The following PAK1 variants were observed in gnomAD, a reference collection of about 807,000 sequenced individuals.
PAK1 encodes serine/threonine-protein kinase PAK 1.
Under a neutral mutation model 67.4 loss-of-function variants are expected in PAK1, and 29 were observed. The ratio of observed to expected loss-of-function variants is 0.43; its 90% CI spans 0.32 to 0.59. The LOEUF is 0.59. Ranked by LOEUF, PAK1 falls within the 20% of genes least tolerant of loss-of-function variation. PAK1 has a pLI of 0.07. For missense variants in PAK1, 337 were observed against 670.7 expected (o/e 0.50, Z 5.50); for synonymous variants, 223 against 237.4 (o/e 0.94, Z 0.56).
the PAK1 span, among the ~76,000 whole-genome samples, chr11:77,518,253 CT>C: frequency 6.6e-6 from 1 of 152,064 alleles, no homozygotes; most frequent in South Asian, 2.1e-4. Context: ...AATTTGAATA[CT>C]TTTTATGAAG....
intron 13 of PAK1, among the ~76,000 whole-genome samples, chr11:77,334,166 C>T (rs996151328): frequency 6.7e-6 from 1 of 148,162 alleles, no homozygotes; most frequent in Non-Finnish European, 1.5e-5. Flanking sequence ...GAGACTCCAT[C>T]TCAAAAAAAA....
intron 1 of PAK1, among the ~76,000 whole-genome samples, chr11:77,400,961 G>A (rs1218778906): frequency 6.6e-6 from 1 of 152,166 alleles, no homozygotes; most frequent in Non-Finnish European, 1.5e-5. Flanking sequence ...AGCAGAGGCA[G>A]GAACCTGAAA....
the PAK1 span, among the ~76,000 whole-genome samples, chr11:77,491,437 G>A: frequency 1.3e-5 from 2 of 152,130 alleles, no homozygotes; most frequent in Non-Finnish European, 2.9e-5. Context: ...GCTGAGGTAG[G>A]AGGATTGCTT....
chr11:77,363,321 A>T (rs912846679), intron 5 of PAK1, among the ~76,000 whole-genome samples: 10 of 152,188 alleles, frequency 6.6e-5, no homozygotes, highest in African/African-American at 2.4e-4. Context: ...GGGTGTGCTC[A>T]CTAAGCATTC....
At chr11:77,461,361 C>A (rs1350991848) in intron 1 of PAK1, among the ~76,000 whole-genome samples, 1 of 152,190 alleles carries the variant, frequency 6.6e-6, no homozygotes, top group Admixed American at 6.5e-5. Context: ...TTAACATCTA[C>A]AATCAGCTGA....
chr11:77,338,298 G>A (rs1943057111), intron 11 of PAK1, among the ~76,000 whole-genome samples: 1 of 152,044 alleles, frequency 6.6e-6, no homozygotes, highest in South Asian at 2.1e-4. Context: ...AAGTGAACAG[G>A]AAAATACTAT....
chr11:77,406,175 A>G (rs1305863811), intron 1 of PAK1, among the ~76,000 whole-genome samples: 1 of 152,100 alleles, frequency 6.6e-6, no homozygotes, highest in Admixed American at 6.6e-5. Context: ...CTCCATTCTC[A>G]TGGCTTTACA....
chr11:77,504,537 A>C, the PAK1 span, among the ~76,000 whole-genome samples: 1 of 152,176 alleles, frequency 6.6e-6, no homozygotes, highest in Non-Finnish European at 1.5e-5. Flanking sequence ...GACGAGTGGG[A>C]GTTTCTCAAA....
At chr11:77,353,451 A>C in intron 8 of PAK1, 85 bp downstream of exon 8, 1 of 886,266 alleles carries the variant, frequency 1.1e-6, no homozygotes, top group Non-Finnish European at 1.9e-6. Flanking sequence ...AAGGTTTATG[A>C]GAGGCAAAAA....
At chr11:77,410,272 C>A (rs144908980) in intron 1 of PAK1, among the ~76,000 whole-genome samples, 1 of 152,178 alleles carries the variant, frequency 6.6e-6, no homozygotes, top group Admixed American at 6.5e-5. Context: ...TCAGGCCCCC[C>A]ACTTCCCATC....
intron 2 of PAK1, among the ~76,000 whole-genome samples, chr11:77,384,364 G>A (rs931803287): frequency 6.6e-6 from 1 of 152,074 alleles, no homozygotes; most frequent in African/African-American, 2.4e-5. Context: ...AGTATCCCTG[G>A]GACTACTGCT....
chr11:77,479,990 G>A, the PAK1 span, among the ~76,000 whole-genome samples: 1 of 152,132 alleles, frequency 6.6e-6, no homozygotes, highest in Admixed American at 6.5e-5. Context: ...TTTCTATCAG[G>A]AGAAAGAGAA....
At chr11:77,479,084 CAAAAAAA>C (rs757138155), upstream of PAK1, among the ~76,000 whole-genome samples, 1 of 88,734 alleles carries the variant, frequency 1.1e-5, no homozygotes, top group Non-Finnish European at 2.4e-5. Context: ...GACTCCGTCT[CAAAAAAA>C]AAAAAAAAAA....
chr11:77,471,272 GC>G (rs1242463946), intron 1 of PAK1, among the ~76,000 whole-genome samples: 1 of 152,168 alleles, frequency 6.6e-6, no homozygotes, highest in Non-Finnish European at 1.5e-5. Context: ...CTGGCAGGGT[GC>G]TGGTTTTTAT....
chr11:77,493,549 T>G, the PAK1 span, among the ~76,000 whole-genome samples: 1 of 138,100 alleles, frequency 7.2e-6, no homozygotes. Flanking sequence ...TACCTCTGCC[T>G]CCCAAACTGT....
rs1267368199 is a variant in PAK1 at position 77,322,720 on chromosome 11, A to T, written c.*554T>A. On this transcript the variant is annotated 3_prime_UTR_variant, in exon 15 of 15. Transcript: ENST00000356341. ...CAAAGAAAAATGTGGTTGTTCTCCC[A>T]TGTCAGGATCAGCTGAGCCAAAGTC... 1.8e-5 allele frequency: 5 copies of T among 276,724 alleles called. No individual in the cohort carries two copies. Among genetic ancestry groups the T allele is most frequent in the Non-Finnish European group, 3.5e-5 (5 of 144,056 alleles). The allele number at this position is 276,724 out of a possible 1,614,324, so 17.1% of individuals were successfully genotyped here. A position where few individuals can be genotyped will look rare whatever the true frequency, so the allele number is the denominator to read the frequency against.
chr11:77,507,567 G>A, the PAK1 span, among the ~76,000 whole-genome samples: 2 of 151,818 alleles, frequency 1.3e-5, no homozygotes, highest in South Asian at 4.2e-4. Context: ...TGTCTCCTAG[G>A]CTGGAGTTAC....
At chr11:77,369,834 A>G (rs1948175324) in intron 5 of PAK1, among the ~76,000 whole-genome samples, 1 of 152,162 alleles carries the variant, frequency 6.6e-6, no homozygotes, top group Non-Finnish European at 1.5e-5. Flanking sequence ...TAGATGAAAC[A>G]TCTACAGATC....
At chr11:77,442,632 C>A (rs1429883670) in intron 1 of PAK1, among the ~76,000 whole-genome samples, 1 of 152,148 alleles carries the variant, frequency 6.6e-6, no homozygotes, top group Admixed American at 6.5e-5. Context: ...TGAAGCAGAA[C>A]CACCCAGCCC....
Sources: allele counts gnomAD v4.1 joint callset (sites outside exome capture counted in the v4.1 genomes callset), GRCh38; gene constraint gnomAD v4.1.1; transcripts MANE v1.5; gene names NCBI Gene and HGNC (gene_info 2026-07-23, HGNC 2026-07-21).